Variants in PLXNC1 observed in about 807,000 individuals in gnomAD.
The protein encoded by PLXNC1 is plexin-C1.
In PLXNC1, 75 loss-of-function variants were observed where a neutral mutation model predicts 178.2. The ratio of observed to expected loss-of-function variants is 0.42; its 90% CI spans 0.35 to 0.51. The LOEUF (loss-of-function observed/expected upper bound fraction) is 0.51, where lower values mean the gene tolerates loss of function less well. Among genes scored for constraint, PLXNC1 ranks in the 20% least tolerant of loss-of-function variants. The probability of loss-of-function intolerance (pLI) is 0.02; values close to 1 mark genes in which losing one functional copy is unlikely to be tolerated. For synonymous variants in PLXNC1, 790 were observed against 779.9 expected (o/e 1.01, Z -0.22); for missense variants, 1,503 against 1,984.4 (o/e 0.76, Z 4.61).
At chr12:94,296,745 A>G (rs1967959266) in intron 24 of PLXNC1, among the ~76,000 whole-genome samples, 1 of 152,236 alleles carries the variant, frequency 6.6e-6, no homozygotes, top group South Asian at 2.1e-4. Flanking sequence ...TCTTTAGCAT[A>G]TAATTCTCCT....
intron 23 of PLXNC1, among the ~76,000 whole-genome samples, chr12:94,291,738 T>C (rs1007710090): frequency 6.6e-6 from 1 of 152,216 alleles, no homozygotes; most frequent in Non-Finnish European, 1.5e-5. Context: ...GATCTGTCTA[T>C]ATAAATTTGC....
intron 1 of PLXNC1, among the ~76,000 whole-genome samples, chr12:94,161,074 C>T (rs1961364896): frequency 6.6e-6 from 1 of 152,132 alleles, no homozygotes; most frequent in Non-Finnish European, 1.5e-5. Flanking sequence ...TTAGAGCTCC[C>T]TGGAATAAAG....
chr12:94,185,632 C>A (rs1325537284), intron 3 of PLXNC1, among the ~76,000 whole-genome samples: 1 of 152,182 alleles, frequency 6.6e-6, no homozygotes, highest in African/African-American at 2.4e-5. Flanking sequence ...TTGACTACTC[C>A]CCCTGTTTCT....
intron 23 of PLXNC1, among the ~76,000 whole-genome samples, chr12:94,286,053 C>T (rs963048074): frequency 6.6e-6 from 1 of 152,126 alleles, no homozygotes; most frequent in Non-Finnish European, 1.5e-5. Flanking sequence ...GAAGGCCTGT[C>T]GGGAGAGATA....
At chr12:94,229,128 G>A (rs952042064) in intron 9 of PLXNC1, among the ~76,000 whole-genome samples, 1 of 152,084 alleles carries the variant, frequency 6.6e-6, no homozygotes, top group African/African-American at 2.4e-5. Context: ...TCTCATTGTG[G>A]TTTTGATTTG....
At chr12:94,184,038 G>A (rs1270764030) in intron 3 of PLXNC1, among the ~76,000 whole-genome samples, 1 of 152,118 alleles carries the variant, frequency 6.6e-6, no homozygotes, top group African/African-American at 2.4e-5. Flanking sequence ...GGAGATGTAG[G>A]CATTGATATG....
In PLXNC1 at chr12:94,149,547, C is replaced by G; in HGVS notation, c.576C>G (p.Ser192Arg). The change falls in exon 1 of 31, where the codon AGC becomes AGG. Residue 192 changes from serine (S) to arginine (R), a missense_variant. By Grantham distance (110) the Ser-to-Arg change is moderately radical. This residue lies in a region of PLXNC1 where 73 missense variants were observed against 125.4 expected (regional missense o/e 0.58). Coordinates refer to ENST00000258526, the MANE Select transcript of PLXNC1 (RefSeq NM_005761.3). ...TYVLPEPETA[S>R]RCNPAASDHD... ...TGCTGCCTGAGCCGGAGACGGCGAG[C>G]CGCTGCAACCCCGCGGCATCCGACC... 6.4e-7 allele frequency: 1 copy of G among 1,553,042 alleles called. No individual in the cohort carries two copies. Among genetic ancestry groups the G allele is most frequent in the Non-Finnish European group, 8.7e-7 (1 of 1,154,328 alleles).
intron 9 of PLXNC1, among the ~76,000 whole-genome samples, chr12:94,230,907 T>C (rs1253324348): frequency 6.6e-6 from 1 of 152,244 alleles, no homozygotes; most frequent in African/African-American, 2.4e-5. Flanking sequence ...AGGCATTTAT[T>C]GCACACCTAT....
At chr12:94,156,477 C>CT (rs33995488) in intron 1 of PLXNC1, among the ~76,000 whole-genome samples, 58,893 of 140,084 alleles carry the variant, frequency 0.42, 12,846 homozygotes, top group Non-Finnish European at 0.47. Flanking sequence ...CACTGTCTAT[C>CT]TTTTTTTTTT....
In PLXNC1 at chr12:94,254,833, A is replaced by G; in HGVS notation, c.2928A>G (p.Lys976=). 1 of 1,611,746 alleles carries G rather than the reference A, an allele frequency of 6.2e-7. No homozygotes were observed. Among genetic ancestry groups the G allele is most frequent in the Non-Finnish European group, 8.5e-7 (1 of 1,179,494 alleles). ...ACAAATCGAAGGAGCTGAGTCGCAA[A>G]CAGAGTCAACAACTAGAATTGCTGG... The part of the protein sequence containing the change: ...TRHKSKELSR[K]QSQQLELLES... Residue 976 remains lysine (K), a synonymous_variant, in exon 16 of 31, where the codon AAA becomes AAG. Transcript: ENST00000258526.
rs117734379 is a variant in PLXNC1 at position 94,264,456 on chromosome 12, G to A, written c.3451-623G>A. ...GATGGAGTCCCTCTGGCCCAGCACC[G>A]GAAAACATGTCCAGGTGGGACTGTG... On this transcript the variant is annotated intron_variant, in intron 20 of 30. Transcript: ENST00000258526. 3.2e-3 allele frequency among the ~76,000 whole-genome samples: 490 copies of A among 152,322 alleles called. 3 individuals carry two copies. Among genetic ancestry groups the A allele is most frequent in the Non-Finnish European group, 5.8e-3 (392 of 68,022 alleles).
intron 24 of PLXNC1, among the ~76,000 whole-genome samples, chr12:94,296,421 A>G (rs1026938690): frequency 5.9e-5 from 9 of 152,334 alleles, no homozygotes; most frequent in Admixed American, 4.6e-4. Flanking sequence ...TTGGCTTCCC[A>G]AAGTGCTGGG....
intron 17 of PLXNC1, among the ~76,000 whole-genome samples, chr12:94,257,847 C>T (rs1036221966): frequency 6.6e-6 from 1 of 152,014 alleles, no homozygotes; most frequent in African/African-American, 2.4e-5. Flanking sequence ...GCGGAGCTTG[C>T]AGTGAGCCGA....
In PLXNC1 at chr12:94,298,625, C is replaced by A; in HGVS notation, c.4075-7C>A. 6.3e-7 allele frequency: 1 copy of A among 1,580,910 alleles called. No individual in the cohort carries two copies. The highest frequency in any genetic ancestry group is 8.6e-7 in the Non-Finnish European group (1 of 1,168,616). ...ATCTCCCAAATCTGATGTTGTCTAT[C>A]TTTCAGGTGGCAATTCATTCTGTGC... On this transcript the variant is annotated splice_polypyrimidine_tract_variant and splice_region_variant and intron_variant, in intron 26 of 30. Transcript: ENST00000258526.
chr12:94,174,547 C>A (rs952904985), intron 2 of PLXNC1, among the ~76,000 whole-genome samples: 4 of 152,172 alleles, frequency 2.6e-5, no homozygotes, highest in Admixed American at 2.6e-4. Context: ...TGTCTGAATT[C>A]AAACAGAAGC....
At chr12:94,220,769 G>A (rs956183197) in intron 6 of PLXNC1, among the ~76,000 whole-genome samples, 4 of 152,232 alleles carry the variant, frequency 2.6e-5, no homozygotes, top group African/African-American at 9.6e-5. Context: ...GAGGGGGAAG[G>A]GGTAAGGAAA....
At chr12:94,237,240 T>C (rs1964266643) in intron 9 of PLXNC1, among the ~76,000 whole-genome samples, 1 of 152,236 alleles carries the variant, frequency 6.6e-6, no homozygotes, top group Non-Finnish European at 1.5e-5. Flanking sequence ...TGAATTTATC[T>C]GGAATGACAT....
intron 24 of PLXNC1, among the ~76,000 whole-genome samples, chr12:94,295,197 C>T (rs888295929): frequency 2.1e-4 from 32 of 152,212 alleles, no homozygotes; most frequent in African/African-American, 7.2e-4. Flanking sequence ...CTTTCACACA[C>T]ACAGCCAGAG....
chr12:94,303,225 G>A (rs761243735), intron 28 of PLXNC1, among the ~76,000 whole-genome samples: 2 of 152,136 alleles, frequency 1.3e-5, no homozygotes, highest in Non-Finnish European at 2.9e-5. Context: ...GTGCTTCCCT[G>A]AAGAAACTGG....
Sources: allele counts gnomAD v4.1 joint callset (sites outside exome capture counted in the v4.1 genomes callset), GRCh38; gene constraint gnomAD v4.1.1; regional missense constraint gnomAD v4.1.1; transcripts MANE v1.5; gene names NCBI Gene and HGNC (gene_info 2026-07-23, HGNC 2026-07-21).